Variants in PKHD1 observed in about 807,000 individuals in gnomAD.
PKHD1 encodes the protein fibrocystin.
In PKHD1, 291 loss-of-function variants were observed where a neutral mutation model predicts 412.0. The ratio of observed to expected loss-of-function variants is 0.71; its 90% CI spans 0.64 to 0.78. The LOEUF is 0.78. Ranked by LOEUF, PKHD1 falls within the 30% of genes least tolerant of loss-of-function variation. PKHD1 has a pLI of 0.00. For missense variants in PKHD1, 4,825 were observed against 4,950.7 expected, an observed-to-expected ratio of 0.97 and a Z score of 0.76; for synonymous variants, 1,777 against 1,821.5, an observed-to-expected ratio of 0.98 and a Z score of 0.62.
chr6:51,949,379 G>T (rs572391237), intron 36 of PKHD1, among the ~76,000 whole-genome samples: 14 of 152,322 alleles, frequency 9.2e-5, no homozygotes, highest in African/African-American at 2.9e-4. Flanking sequence ...CTGGCTGAGT[G>T]ATCTGGGCAG....
intron 36 of PKHD1, among the ~76,000 whole-genome samples, chr6:51,934,710 A>G (rs1170568955): frequency 6.6e-6 from 1 of 152,146 alleles, no homozygotes; most frequent in African/African-American, 2.4e-5. Flanking sequence ...ATGTGCCAAA[A>G]TTGTAAGAAT....
Position 51,909,382 on chromosome 6 carries a change from C to T in PKHD1, c.6583G>A (p.Glu2195Lys), listed in dbSNP as rs151108325. ...CCCTTCAACTGGACCTGGCTGGGCT[C>T]TTCTGGGAAGGACTGAACGATCACT... The part of the protein sequence containing the change: ...ARVIVQSFPE[E>K]PSQVQLKGVQ... The change falls in exon 40 of 67, where the codon GAG (glutamate) becomes AAG (lysine). Residue 2195 changes from glutamate (E) to lysine (K), a missense_variant. Transcript: ENST00000371117. 32 of 1,613,422 alleles carry T rather than the reference C, an allele frequency of 2.0e-5. No individual in the cohort carries two copies. The highest frequency in any genetic ancestry group is 5.3e-5 in the African/African-American group (4 of 74,862).
rs752016266 is a variant in PKHD1, at chr6:51,911,823, A to G, written c.6466T>C (p.Cys2156Arg). The G allele has an allele frequency of 1.9e-6, 3 of 1,613,034 alleles. No homozygotes were observed. Among genetic ancestry groups the G allele is most frequent in the Non-Finnish European group, 2.5e-6 (3 of 1,179,298 alleles). ...CCTTCTGGAGCATTGGCCTCCTGGC[A>G]TGAAACAAGCAGCTTCTCCCTCTCA... is the stretch of plus-strand genomic sequence containing the variant. The part of the protein sequence containing the change: ...TNEREKLLVS[C>R]QEANAPEGNL... Residue 2156 changes from cysteine (C) to arginine (R), a missense_variant, in exon 39 of 67, where the codon TGC (cysteine) becomes CGC (arginine). Cys to Arg is a radical substitution (Grantham distance 180). Transcript: ENST00000371117.
chr6:52,031,326 A>G (rs1211476739), intron 29 of PKHD1, among the ~76,000 whole-genome samples: 1 of 152,212 alleles, frequency 6.6e-6, no homozygotes, highest in East Asian at 1.9e-4. Context: ...GAAAGCCTCA[A>G]CTACCTGAGC....
chr6:51,953,283 C>T lies in PKHD1; in HGVS notation c.5908+6587G>A, dbSNP rs1790631226. On this transcript the variant is annotated intron_variant, in intron 36 of 66. Coordinates refer to ENST00000371117, the MANE Select transcript of PKHD1 (RefSeq NM_138694.4). ...ACCCTCTCCTGTTGACCAAGATATT[C>T]TACAGTTAGAGAAAAAAAACAAATT... Among the ~76,000 whole-genome samples the T allele has an allele frequency of 2.0e-5, 3 of 152,060 alleles. No individual in the cohort carries two copies. The South Asian group carries it at 6.2e-4, about 32-fold the overall frequency.
At chr6:51,817,416 C>T (rs1765643855) in intron 52 of PKHD1, among the ~76,000 whole-genome samples, 1 of 152,180 alleles carries the variant, frequency 6.6e-6, no homozygotes, top group South Asian at 2.1e-4. Flanking sequence ...GACACCCATC[C>T]CCCTAGATTT....
chr6:51,642,786 G>A (rs1029440925), intron 63 of PKHD1, among the ~76,000 whole-genome samples: 7 of 152,188 alleles, frequency 4.6e-5, no homozygotes, highest in Non-Finnish European at 5.9e-5. Context: ...GTTGCAGTGA[G>A]ACAAGATCGT....
rs138223051 is a variant in PKHD1 at position 51,675,679 on chromosome 6, T to C, written c.10157-15710A>G. Among the ~76,000 whole-genome samples, 54 of 152,214 alleles carry C rather than the reference T, an allele frequency of 3.5e-4. 1 individual carries two copies. The highest frequency in any genetic ancestry group is 1.2e-3 in the African/African-American group (48 of 41,522). On this transcript the variant is annotated intron_variant, in intron 60 of 66. Coordinates refer to ENST00000371117, the MANE Select transcript of PKHD1 (RefSeq NM_138694.4). ...GGCCACAGCTGACTTTCATAATCAA[T>C]GTGAATAGATAAGTGACACAGCCTG... is the stretch of plus-strand genomic sequence containing the variant.
chr6:51,679,758 C>T (rs1460293332), intron 60 of PKHD1, among the ~76,000 whole-genome samples: 1 of 151,994 alleles, frequency 6.6e-6, no homozygotes, highest in Non-Finnish European at 1.5e-5. Flanking sequence ...GCTTCTTTTC[C>T]TTTCACACTG....
chr6:51,897,994 G>C (rs1378739788), intron 43 of PKHD1, among the ~76,000 whole-genome samples: 1 of 151,270 alleles, frequency 6.6e-6, no homozygotes, highest in African/African-American at 2.4e-5. Context: ...CCCAATACAG[G>C]AGCACCCAGA....
chr6:51,936,488 C>T (rs547750845), intron 36 of PKHD1, among the ~76,000 whole-genome samples: 1 of 152,256 alleles, frequency 6.6e-6, no homozygotes, highest in South Asian at 2.1e-4. Flanking sequence ...GTTTTTGTTG[C>T]TTTCCAGAAA....
At chr6:51,966,194 G>A (rs1309480785) in intron 35 of PKHD1, among the ~76,000 whole-genome samples, 1 of 152,108 alleles carries the variant, frequency 6.6e-6, no homozygotes, top group African/African-American at 2.4e-5. Flanking sequence ...TGTGCCCAAG[G>A]TGGTTGGGAC....
chr6:52,024,828 A>G lies in PKHD1; in HGVS notation c.4982T>C (p.Ile1661Thr). Residue 1661 changes from isoleucine (I) to threonine (T), a missense_variant, in exon 32 of 67, where the codon ATC (isoleucine) becomes ACC (threonine). Ile to Thr is a moderately conservative substitution (Grantham distance 89). Transcript: ENST00000371117. ...GATGTCATCGCTCTGAGAAATAGAG[A>G]TCAATTCTGGGGTAAAGGCCTTGTT... ...GYNKAFTPELISISQSDDILT... is the reference protein window; with the variant it reads ...GYNKAFTPELTSISQSDDILT... 6.2e-7 allele frequency: 1 copy of G among 1,614,202 alleles called. No homozygotes were observed. Among genetic ancestry groups the G allele is most frequent in the Non-Finnish European group, 8.5e-7 (1 of 1,180,038 alleles).
intron 60 of PKHD1, among the ~76,000 whole-genome samples, chr6:51,666,846 C>A (rs541664578): frequency 1.3e-5 from 2 of 152,164 alleles, no homozygotes; most frequent in East Asian, 3.9e-4. Context: ...TTTCCAATTT[C>A]ATCCATGTCC....
chr6:52,070,713 G>A (rs1022111636), intron 9 of PKHD1, among the ~76,000 whole-genome samples: 6 of 152,122 alleles, frequency 3.9e-5, no homozygotes, highest in Admixed American at 1.3e-4. Flanking sequence ...GAAGAGCCCA[G>A]GCTTCGAGTT....
At chr6:51,798,367 G>A (rs1373538654) in intron 52 of PKHD1, among the ~76,000 whole-genome samples, 2 of 135,148 alleles carry the variant, frequency 1.5e-5, no homozygotes, top group East Asian at 4.8e-4. Context: ...TACAGAGGAA[G>A]ACTCCATCTC....
At chr6:51,704,186 T>C (rs1216166168) in intron 60 of PKHD1, among the ~76,000 whole-genome samples, 2 of 152,038 alleles carry the variant, frequency 1.3e-5, no homozygotes, top group African/African-American at 2.4e-5. Flanking sequence ...AAATAAAGCA[T>C]AGACACCCAT....
intron 53 of PKHD1, among the ~76,000 whole-genome samples, chr6:51,785,182 A>G (rs1792665507): frequency 6.6e-6 from 1 of 152,132 alleles, no homozygotes; most frequent in Admixed American, 6.6e-5. Context: ...GGAAGGGACA[A>G]ATCTACAAAG....
intron 46 of PKHD1, among the ~76,000 whole-genome samples, chr6:51,873,134 C>G (rs1317357309): frequency 6.6e-6 from 1 of 152,076 alleles, no homozygotes; most frequent in Non-Finnish European, 1.5e-5. Flanking sequence ...CACGATGATC[C>G]AGCAATTTTA....
Sources: gnomAD v4.1 joint callset for allele counts (sites outside exome capture counted in the v4.1 genomes callset) on GRCh38, gnomAD v4.1.1 for gene constraint, MANE v1.5 for transcripts, NCBI Gene and HGNC (gene_info 2026-07-23, HGNC 2026-07-21) for gene names.